The following PRTG variants were observed in gnomAD, a reference collection of about 807,000 sequenced individuals.
PRTG encodes the protein protogenin.
A neutral mutation model predicts 122.5 loss-of-function variants in PRTG; 67 were observed. The observed-to-expected ratio is 0.55, with a 90% CI of 0.45 to 0.67. The LOEUF is 0.67. PRTG is among the 30% of genes least tolerant of loss of function. The pLI, the probability that PRTG is intolerant of heterozygous loss-of-function variation, is 0.00. For synonymous variants in PRTG, 554 were observed against 501.1 expected, an observed-to-expected ratio of 1.11 and a Z score of -1.41; for missense variants, 1,435 against 1,415.4, an observed-to-expected ratio of 1.01 and a Z score of -0.22.
At chr15:55,647,214 C>T (rs2059329089) in intron 11 of PRTG, among the ~76,000 whole-genome samples, 1 of 151,956 alleles carries the variant, frequency 6.6e-6, no homozygotes, top group African/African-American at 2.4e-5. Context: ...CAGGAGGCAG[C>T]TGTTGCATGA....
At chr15:55,629,122 A>G in intron 15 of PRTG, 118 bp from the exon 16 acceptor site, 2 of 553,046 alleles carry the variant, frequency 3.6e-6, no homozygotes, top group Non-Finnish European at 6.0e-6. Context: ...GATGACACAT[A>G]TTGTAGAACA....
chr15:55,621,922 T>C (rs1357781922), intron 18 of PRTG, among the ~76,000 whole-genome samples: 1 of 152,172 alleles, frequency 6.6e-6, no homozygotes, highest in African/African-American at 2.4e-5. Context: ...AACTTTTCTG[T>C]ATGTTTGAAA....
intron 2 of PRTG, among the ~76,000 whole-genome samples, chr15:55,699,084 TTA>T (rs2059647949): frequency 6.6e-6 from 1 of 152,160 alleles, no homozygotes; most frequent in African/African-American, 2.4e-5. Flanking sequence ...CCTTCTAACT[TTA>T]TATTATAGGA....
chr15:55,644,128 C>T (rs1291242820), intron 11 of PRTG, among the ~76,000 whole-genome samples: 2 of 152,176 alleles, frequency 1.3e-5, no homozygotes, highest in South Asian at 4.1e-4. Flanking sequence ...TGTGAGCCAG[C>T]ACGCCCAGCT....
At chr15:55,714,589 C>T (rs1369921652) in intron 2 of PRTG, among the ~76,000 whole-genome samples, 1 of 151,780 alleles carries the variant, frequency 6.6e-6, no homozygotes, top group Admixed American at 6.6e-5. Context: ...GGTTAAGTTT[C>T]TAAGTGAACA....
chr15:55,622,428 G>C (rs374631771), intron 18 of PRTG, among the ~76,000 whole-genome samples: 6 of 145,676 alleles, frequency 4.1e-5, no homozygotes, highest in African/African-American at 1.5e-4. Context: ...CTGTCACCCA[G>C]GTTGGATTGT....
At chr15:55,738,682 C>A in intron 2 of PRTG, 3 of 337,154 alleles carry the variant, frequency 8.9e-6, no homozygotes, top group Non-Finnish European at 1.1e-5. Context: ...ACCATTACTC[C>A]ATGAAAAAAA....
intron 2 of PRTG, among the ~76,000 whole-genome samples, chr15:55,707,381 C>T (rs1248339977): frequency 6.6e-6 from 1 of 152,122 alleles, no homozygotes; most frequent in Non-Finnish European, 1.5e-5. Context: ...TTCAACAACC[C>T]AAAGCTGCTG....
chr15:55,738,531 G>T, intron 2 of PRTG: 1 of 701,038 alleles, frequency 1.4e-6, no homozygotes, highest in Non-Finnish European at 2.6e-6. Flanking sequence ...AGTTCCTGAA[G>T]ATGAAAACAC....
In PRTG at chr15:55,617,146, G is replaced by A. The variant is rs1047627817; in HGVS notation, c.*2866C>T. ...CATACTTAAGACTTCAAAGAAGCTT[G>A]ATTTGGTCAAGTAAAAAGAAGTCTT... On this transcript the variant is annotated 3_prime_UTR_variant, in exon 20 of 20. Transcript: ENST00000389286. The A allele has an allele frequency of 6.6e-6, 1 of 151,986 alleles. No individual in the cohort carries two copies. The highest frequency in any genetic ancestry group is 1.5e-5 in the Non-Finnish European group (1 of 67,944). The allele number at this position is 151,986 out of a possible 1,614,324, so 9.4% of individuals were successfully genotyped here.
chr15:55,620,653 G>C lies in PRTG; in HGVS notation c.3198+10C>G, dbSNP rs1595597607. 6.4e-7 allele frequency: 1 copy of C among 1,573,498 alleles called. No homozygotes were observed. The highest frequency in any genetic ancestry group is 1.4e-5 in the African/African-American group (1 of 72,140). The stretch of plus-strand genomic sequence containing the variant: ...CATTGCCAAAAATTTTTCTCATTTA[G>C]ATAGGTTACCTGCTCAACTTGTATC... On this transcript the variant is annotated intron_variant, in intron 19 of 19. Coordinates refer to ENST00000389286, the MANE Select transcript of PRTG (RefSeq NM_173814.6).
chr15:55,637,381 T>C (rs1595609606), intron 14 of PRTG, 41 bp from the exon 15 acceptor site: 5 of 1,464,036 alleles, frequency 3.4e-6, no homozygotes, highest in African/African-American at 1.4e-5. Context: ...TATAGTAAAA[T>C]GGTTCATAAA....
Position 55,638,634 on chromosome 15 carries a change from G to A in PRTG, c.2367C>T (p.Thr789=), listed in dbSNP as rs1180931862. 2 of 1,613,326 alleles carry A rather than the reference G, an allele frequency of 1.2e-6. No individual in the cohort carries two copies. Among genetic ancestry groups the A allele is most frequent in the Non-Finnish European group, 8.5e-7 (1 of 1,179,568 alleles). The change falls in exon 14 of 20, where the codon ACC becomes ACT. Residue 789 remains threonine, a synonymous_variant. Coordinates refer to ENST00000389286, the MANE Select transcript of PRTG (RefSeq NM_173814.6). ...GTAATCGAACGGCAAATTCGTATTT[G>A]GTGTTTGGTTCTAGACCTTGAACCA... The part of the protein sequence containing the change: ...HMLVQGLEPN[T]KYEFAVRLHV...
chr15:55,723,117 T>C (rs2030893171), intron 2 of PRTG, among the ~76,000 whole-genome samples: 1 of 152,058 alleles, frequency 6.6e-6, no homozygotes, highest in South Asian at 2.1e-4. Flanking sequence ...AACTGGTCCA[T>C]GACCAGGGAA....
At chr15:55,667,960 G>A (rs1489898518) in intron 11 of PRTG, among the ~76,000 whole-genome samples, 1 of 152,114 alleles carries the variant, frequency 6.6e-6, no homozygotes, top group Non-Finnish European at 1.5e-5. Context: ...GGTGGCGCAC[G>A]CCTGTGGTCC....
intron 8 of PRTG, 79 bp downstream of exon 8, chr15:55,677,718 T>G: frequency 7.6e-7 from 1 of 1,319,396 alleles, no homozygotes; most frequent in Non-Finnish European, 1.1e-6. Context: ...TTATGGATTA[T>G]GTAAGGCATT....
chr15:55,689,537 A>G (rs1255481235), intron 2 of PRTG, among the ~76,000 whole-genome samples: 1 of 151,904 alleles, frequency 6.6e-6, no homozygotes, highest in Non-Finnish European at 1.5e-5. Context: ...CCTAATGTAA[A>G]TTATGAGTTG....
At chr15:55,646,424 G>A (rs1356817488) in intron 11 of PRTG, among the ~76,000 whole-genome samples, 4 of 151,682 alleles carry the variant, frequency 2.6e-5, no homozygotes, top group Non-Finnish European at 4.4e-5. Flanking sequence ...CAGGGTTCAC[G>A]CCATTCTCCT....
At chr15:55,677,720 T>A in intron 8 of PRTG, 77 bp downstream of exon 8, 1 of 1,337,550 alleles carries the variant, frequency 7.5e-7, no homozygotes, top group Non-Finnish European at 1.0e-6. Context: ...ATGGATTATG[T>A]AAGGCATTAT....
Sources: allele counts gnomAD v4.1 joint callset (sites outside exome capture counted in the v4.1 genomes callset), GRCh38; gene constraint gnomAD v4.1.1; transcripts MANE v1.5; gene names NCBI Gene and HGNC (gene_info 2026-07-23, HGNC 2026-07-21).